AGBL4: variants seen among roughly 807,000 people sequenced by gnomAD.
AGBL4 encodes the protein AGBL carboxypeptidase 4.
In AGBL4, 58 loss-of-function variants were observed where a neutral mutation model predicts 66.4. The observed-to-expected ratio is 0.87, with a 90% confidence interval of 0.71 to 1.09. The LOEUF (loss-of-function observed/expected upper bound fraction) is 1.09, where lower values mean the gene tolerates loss of function less well. Among genes scored for constraint, AGBL4 ranks in the 50% least tolerant of loss-of-function variants. The pLI is 0.00. For missense variants in AGBL4, 579 were observed against 631.0 expected (o/e 0.92, Z 0.88); for synonymous variants, 234 against 222.9 (o/e 1.05, Z -0.44).
At chr1:48,986,800 G>A (rs1235599097) in intron 5 of AGBL4, among the ~76,000 whole-genome samples, 2 of 151,932 alleles carry the variant, frequency 1.3e-5, no homozygotes, top group African/African-American at 4.8e-5. Context: ...AACTTCAAAA[G>A]ATTTTACTAT....
rs571024764 is a variant in AGBL4, at chr1:49,827,438, G to A, written c.157+23958C>T. Among the ~76,000 whole-genome samples the A allele has an allele frequency of 2.0e-5, 3 of 152,238 alleles. No individual in the cohort carries two copies. In the East Asian group the frequency reaches 5.8e-4, roughly 29 times the overall value. On this transcript the variant is annotated intron_variant, in intron 2 of 13. Coordinates refer to ENST00000371839, the MANE Select transcript of AGBL4 (RefSeq NM_032785.4). The stretch of plus-strand genomic sequence containing the variant: ...GTCAAAAGGGCTCTTCTGTTTTGAA[G>A]TTAAAACATAAGTTTGGTTTGGAAA...
rs549471807 is a variant in AGBL4 at position 49,095,942 on chromosome 1, C to T, written c.378-50142G>A. Among the ~76,000 whole-genome samples, 78 of 151,802 alleles carry T rather than the reference C, an allele frequency of 5.1e-4. 1 individual carries two copies. The South Asian group carries it at 1.0e-2, about 19-fold the overall frequency. Reference sequence around the variant, plus strand: ...AGAAAATTTTTGCAATCTACTCATCCGACAAAGGGCTAATATCCAGAATCT... The same window carrying T: ...AGAAAATTTTTGCAATCTACTCATCTGACAAAGGGCTAATATCCAGAATCT... On this transcript the variant is annotated intron_variant, in intron 4 of 13. Transcript: ENST00000371839.
intron 6 of AGBL4, among the ~76,000 whole-genome samples, chr1:48,668,940 A>G (rs1570192051): frequency 6.6e-6 from 1 of 152,212 alleles, no homozygotes; most frequent in South Asian, 2.1e-4. Flanking sequence ...TTGGGTAGAT[A>G]TGTGACTTGA....
intron 5 of AGBL4, among the ~76,000 whole-genome samples, chr1:48,910,266 G>C (rs139313252): frequency 6.6e-6 from 1 of 152,278 alleles, no homozygotes; most frequent in African/African-American, 2.4e-5. Flanking sequence ...CTCACTTGAC[G>C]TGAAATGCGA....
intron 4 of AGBL4, among the ~76,000 whole-genome samples, chr1:49,201,187 C>T (rs949965637): frequency 6.6e-6 from 1 of 152,164 alleles, no homozygotes; most frequent in Non-Finnish European, 1.5e-5. Flanking sequence ...CCTTTATCCC[C>T]TTCCCATTTT....
chr1:48,698,706 C>T (rs1337075523), intron 6 of AGBL4, among the ~76,000 whole-genome samples: 1 of 152,218 alleles, frequency 6.6e-6, no homozygotes, highest in East Asian at 1.9e-4. Context: ...TGTCTCCTGG[C>T]CTCAAGTCCC....
At chr1:49,638,229 T>A (rs1362989891) in intron 3 of AGBL4, among the ~76,000 whole-genome samples, 1 of 152,194 alleles carries the variant, frequency 6.6e-6, no homozygotes, top group Non-Finnish European at 1.5e-5. Flanking sequence ...GTGATGCTGA[T>A]ACTGAATTTG....
intron 6 of AGBL4, among the ~76,000 whole-genome samples, chr1:48,673,431 C>T (rs1646309012): frequency 6.6e-6 from 1 of 152,178 alleles, no homozygotes; most frequent in Non-Finnish European, 1.5e-5. Context: ...GAAGAGTGTT[C>T]TTTCTTTCCT....
intron 1 of AGBL4, among the ~76,000 whole-genome samples, chr1:49,999,772 A>G (rs1207958678): frequency 6.6e-6 from 1 of 152,188 alleles, no homozygotes; most frequent in Non-Finnish European, 1.5e-5. Flanking sequence ...AAATCCATAT[A>G]CATATAGCCA....
At chr1:49,148,785 C>A (rs1338561591) in intron 4 of AGBL4, among the ~76,000 whole-genome samples, 2 of 152,174 alleles carry the variant, frequency 1.3e-5, no homozygotes, top group African/African-American at 2.4e-5. Flanking sequence ...CTTTCTAGTT[C>A]CCCAGATGTA....
At chr1:49,705,606 C>T (rs1359563064) in intron 2 of AGBL4, among the ~76,000 whole-genome samples, 4 of 152,154 alleles carry the variant, frequency 2.6e-5, no homozygotes, top group Non-Finnish European at 5.9e-5. Context: ...AGAAGGCATC[C>T]TTGTATTGTG....
chr1:49,557,119 C>T (rs1325588429), intron 3 of AGBL4, among the ~76,000 whole-genome samples: 1 of 152,058 alleles, frequency 6.6e-6, no homozygotes, highest in Non-Finnish European at 1.5e-5. Flanking sequence ...GCAGAGGGAG[C>T]TGGCTGCAGC....
intron 3 of AGBL4, among the ~76,000 whole-genome samples, chr1:49,315,359 A>G (rs928492794): frequency 6.6e-6 from 1 of 152,226 alleles, no homozygotes; most frequent in Non-Finnish European, 1.5e-5. Context: ...ATAAAACACC[A>G]AAAGCAATGG....
intron 9 of AGBL4, among the ~76,000 whole-genome samples, chr1:48,621,402 T>C (rs937836741): frequency 2.2e-4 from 33 of 152,166 alleles, no homozygotes; most frequent in Non-Finnish European, 4.0e-4. Context: ...TTTTGTTCTG[T>C]TTTATAAAAT....
chr1:49,094,865 A>AAT (rs1645066577), intron 4 of AGBL4, among the ~76,000 whole-genome samples: 1 of 151,890 alleles, frequency 6.6e-6, no homozygotes, highest in Non-Finnish European at 1.5e-5. Flanking sequence ...AATAAAGGGT[A>AAT]TTCAGTTAGG....
intron 5 of AGBL4, among the ~76,000 whole-genome samples, chr1:48,972,401 A>G (rs1658981832): frequency 6.6e-6 from 1 of 152,198 alleles, no homozygotes; most frequent in South Asian, 2.1e-4. Flanking sequence ...CATGGACAGA[A>G]TAAGGATTCA....
At chr1:49,738,623 A>G (rs1293691618) in intron 2 of AGBL4, among the ~76,000 whole-genome samples, 1 of 151,994 alleles carries the variant, frequency 6.6e-6, no homozygotes, top group African/African-American at 2.4e-5. Context: ...TGGGTCCTTG[A>G]CCCCCAAGTA....
At chr1:48,576,450 G>T (rs533775348) in intron 11 of AGBL4, among the ~76,000 whole-genome samples, 2 of 152,232 alleles carry the variant, frequency 1.3e-5, no homozygotes, top group African/African-American at 4.8e-5. Flanking sequence ...GCCCCTAAAT[G>T]TCTTCTTGCC....
intron 2 of AGBL4, among the ~76,000 whole-genome samples, chr1:49,757,123 C>A (rs1651945665): frequency 6.6e-6 from 1 of 152,108 alleles, no homozygotes; most frequent in African/African-American, 2.4e-5. Flanking sequence ...CTCATGAGAT[C>A]TGATGGTTTT....
Sources: gnomAD v4.1 joint callset for allele counts (sites outside exome capture counted in the v4.1 genomes callset) on GRCh38, gnomAD v4.1.1 for gene constraint, MANE v1.5 for transcripts, NCBI Gene and HGNC (gene_info 2026-07-23, HGNC 2026-07-21) for gene names.